TMEM132D: variants seen among roughly 807,000 people sequenced by gnomAD.
TMEM132D encodes mature OL transmembrane protein.
TMEM132D carries 21 observed loss-of-function variants against 62.3 expected under a neutral mutation model. That is an observed-to-expected ratio of 0.34 (90% CI 0.24 to 0.49). The LOEUF (loss-of-function observed/expected upper bound fraction) is 0.49, where lower values mean the gene tolerates loss of function less well. Ranked by LOEUF, TMEM132D falls within the 20% of genes least tolerant of loss-of-function variation. TMEM132D has a pLI of 0.99. For synonymous variants in TMEM132D, 621 were observed against 575.6 expected (o/e 1.08, Z -1.13); for missense variants, 1,346 against 1,402.8 (o/e 0.96, Z 0.65).
chr12:129,614,577 A>T (rs1565923453), intron 2 of TMEM132D, among the ~76,000 whole-genome samples: 1 of 152,244 alleles, frequency 6.6e-6, no homozygotes, highest in Non-Finnish European at 1.5e-5. Context: ...TCTTTGCCAT[A>T]GCGAACGGCA....
chr12:129,813,150 C>A (rs1424285997), intron 1 of TMEM132D, among the ~76,000 whole-genome samples: 1 of 151,762 alleles, frequency 6.6e-6, no homozygotes, highest in East Asian at 1.9e-4. Context: ...TTATTAATTT[C>A]ACCTGCTAAA....
chr12:129,212,176 C>A (rs1031608074), intron 4 of TMEM132D: 4 of 152,192 alleles, frequency 2.6e-5, no homozygotes, highest in Non-Finnish European at 4.4e-5. Flanking sequence ...AAAGGCCTTT[C>A]ATGTTTTTGC....
At chr12:129,574,300 G>A (rs1166541986) in intron 2 of TMEM132D, among the ~76,000 whole-genome samples, 1 of 151,954 alleles carries the variant, frequency 6.6e-6, no homozygotes, top group Non-Finnish European at 1.5e-5. Context: ...TGGGTGTTAA[G>A]TGTAAAATCT....
chr12:129,287,071 C>T (rs73422219), intron 4 of TMEM132D, among the ~76,000 whole-genome samples: 2,549 of 150,472 alleles, frequency 0.017, 74 homozygotes, highest in African/African-American at 0.059. Flanking sequence ...AGAAAAGGGG[C>T]CAGGGATTAT....
chr12:129,222,910 A>G (rs74694630), intron 4 of TMEM132D, among the ~76,000 whole-genome samples: 1,934 of 135,426 alleles, frequency 0.014, 34 homozygotes, highest in African/African-American at 0.045. Flanking sequence ...AAACGCTCTC[A>G]CTACCAAAAA....
At chr12:129,482,273 G>A (rs190133707) in intron 3 of TMEM132D, among the ~76,000 whole-genome samples, 24 of 152,294 alleles carry the variant, frequency 1.6e-4, no homozygotes, top group African/African-American at 4.1e-4. Flanking sequence ...AATGTCCCTC[G>A]GTTGAGGAAC....
At chr12:129,341,967 G>T (rs1869504219) in intron 3 of TMEM132D, among the ~76,000 whole-genome samples, 1 of 152,122 alleles carries the variant, frequency 6.6e-6, no homozygotes, top group African/African-American at 2.4e-5. Context: ...TCATGGGTAG[G>T]AAGAATCAAT....
At chr12:129,086,981 A>G (rs974125195) in intron 5 of TMEM132D, among the ~76,000 whole-genome samples, 5 of 152,144 alleles carry the variant, frequency 3.3e-5, no homozygotes, top group East Asian at 3.9e-4. Context: ...TCAATAGTGT[A>G]TAAGTGTGAT....
intron 5 of TMEM132D, among the ~76,000 whole-genome samples, chr12:129,156,450 T>C (rs1179675230): frequency 6.6e-6 from 1 of 151,816 alleles, no homozygotes; most frequent in Non-Finnish European, 1.5e-5. Flanking sequence ...AACTAACCCA[T>C]TCCCATGATA....
chr12:129,325,023 CATT>C (rs899872582), intron 4 of TMEM132D, among the ~76,000 whole-genome samples: 2 of 152,148 alleles, frequency 1.3e-5, no homozygotes, highest in African/African-American at 4.8e-5. Flanking sequence ...GAGGCACCAT[CATT>C]ATCCCCAGTT....
intron 2 of TMEM132D, among the ~76,000 whole-genome samples, chr12:129,694,160 C>A (rs768229709): frequency 2.0e-5 from 3 of 152,222 alleles, no homozygotes; most frequent in Non-Finnish European, 4.4e-5. Flanking sequence ...GAACTGGGGT[C>A]TCACAGCAGC....
At chr12:129,518,080 A>T (rs1875734735) in intron 3 of TMEM132D, among the ~76,000 whole-genome samples, 1 of 152,214 alleles carries the variant, frequency 6.6e-6, no homozygotes. Flanking sequence ...ACTTTCAAAG[A>T]AAGTTTTTTC....
chr12:129,745,930 C>T (rs1461498204), intron 1 of TMEM132D, among the ~76,000 whole-genome samples: 4 of 152,174 alleles, frequency 2.6e-5, no homozygotes, highest in East Asian at 1.9e-4. Flanking sequence ...CCCAGCCCTT[C>T]GGAAGGAGAA....
chr12:129,657,287 G>A (rs1880112335), intron 2 of TMEM132D, among the ~76,000 whole-genome samples: 1 of 152,222 alleles, frequency 6.6e-6, no homozygotes, highest in African/African-American at 2.4e-5. Flanking sequence ...AGAGGCTCAT[G>A]GCTGAACAGA....
chr12:129,454,661 G>A (rs917977001), intron 3 of TMEM132D, among the ~76,000 whole-genome samples: 5 of 152,166 alleles, frequency 3.3e-5, no homozygotes, highest in African/African-American at 1.2e-4. Context: ...AACAGTAAGA[G>A]GTTTCTCTTC....
chr12:129,554,329 G>A (rs1303622123), intron 2 of TMEM132D, among the ~76,000 whole-genome samples: 6 of 152,280 alleles, frequency 3.9e-5, no homozygotes, highest in African/African-American at 7.2e-5. Context: ...ACTAAGTAAC[G>A]ATGCCAGGTG....
At chr12:129,818,714 A>C (rs1392542983) in intron 1 of TMEM132D, among the ~76,000 whole-genome samples, 2 of 151,918 alleles carry the variant, frequency 1.3e-5, no homozygotes, top group African/African-American at 4.8e-5. Flanking sequence ...ACCTGCACAC[A>C]CAGACTGTGG....
At chr12:129,378,911 G>C (rs187934986) in intron 3 of TMEM132D, among the ~76,000 whole-genome samples, 2 of 152,092 alleles carry the variant, frequency 1.3e-5, no homozygotes, top group African/African-American at 4.8e-5. Flanking sequence ...GCAATGTCTC[G>C]GCGTTCTTTT....
intron 5 of TMEM132D, among the ~76,000 whole-genome samples, chr12:129,155,751 C>A (rs1223410572): frequency 6.6e-6 from 1 of 152,150 alleles, no homozygotes; most frequent in Non-Finnish European, 1.5e-5. Flanking sequence ...TTATAACCAA[C>A]CCACTCCCAA....
Sources: gnomAD v4.1 joint callset for allele counts (sites outside exome capture counted in the v4.1 genomes callset) on GRCh38, gnomAD v4.1.1 for gene constraint, MANE v1.5 for transcripts, NCBI Gene and HGNC (gene_info 2026-07-23, HGNC 2026-07-21) for gene names.